The following KCNH5 variants were observed in gnomAD, a reference collection of about 807,000 sequenced individuals.
KCNH5 encodes the protein potassium voltage-gated channel subfamily H member 5, also known as voltage-gated delayed rectifier potassium channel KCNH5.
KCNH5 carries 46 observed loss-of-function variants against 96.1 expected under a neutral mutation model. The ratio of observed to expected loss-of-function variants is 0.48; its 90% confidence interval spans 0.38 to 0.61. KCNH5 has a LOEUF of 0.61. KCNH5 is among the 20% of genes least tolerant of loss of function. KCNH5 has a pLI of 0.00. For synonymous variants in KCNH5, 439 were observed against 449.8 expected, an observed-to-expected ratio of 0.98 and a Z score of 0.30; for missense variants, 907 against 1,225.8, an observed-to-expected ratio of 0.74 and a Z score of 3.88.
At chr14:63,012,127 T>A (rs1261066363) in intron 2 of KCNH5, among the ~76,000 whole-genome samples, 1 of 152,214 alleles carries the variant, frequency 6.6e-6, no homozygotes, top group Non-Finnish European at 1.5e-5. Context: ...TATGACAGTA[T>A]ATCCCAAATG....
chr14:62,905,480 AT>A (rs1348918593), intron 7 of KCNH5, among the ~76,000 whole-genome samples: 6 of 152,118 alleles, frequency 3.9e-5, no homozygotes, highest in African/African-American at 1.4e-4. Flanking sequence ...TCTCCTTTCT[AT>A]CATTCTCCTT....
At chr14:62,845,430 T>C (rs898418703) in intron 8 of KCNH5, among the ~76,000 whole-genome samples, 5 of 152,140 alleles carry the variant, frequency 3.3e-5, no homozygotes. Flanking sequence ...TAATTGATGA[T>C]TGATATAAAC....
intron 9 of KCNH5, among the ~76,000 whole-genome samples, chr14:62,782,802 C>T (rs970010237): frequency 6.6e-6 from 1 of 151,838 alleles, no homozygotes; most frequent in Non-Finnish European, 1.5e-5. Flanking sequence ...CAGAGTGAGA[C>T]TCCATCTCAA....
chr14:63,020,243 T>C (rs1891399883), intron 1 of KCNH5, among the ~76,000 whole-genome samples: 1 of 152,152 alleles, frequency 6.6e-6, no homozygotes, highest in Non-Finnish European at 1.5e-5. Context: ...ATGATCACTT[T>C]GGAAAACAGC....
intron 6 of KCNH5, among the ~76,000 whole-genome samples, chr14:62,960,127 C>T (rs1890178951): frequency 6.6e-6 from 1 of 152,140 alleles, no homozygotes; most frequent in Non-Finnish European, 1.5e-5. Context: ...AGGGATTATG[C>T]ACTTGCTGTT....
chr14:62,858,246 C>G (rs1306529204), intron 7 of KCNH5, among the ~76,000 whole-genome samples: 1 of 152,168 alleles, frequency 6.6e-6, no homozygotes, highest in African/African-American at 2.4e-5. Flanking sequence ...GTCCTTTTGC[C>G]TTCAGCAAGC....
Position 62,802,493 on chromosome 14 carries a change from A to C in KCNH5, c.1658T>G (p.Leu553Trp). ...GGCGCGCAGACACCCATCGCTGGCC[A>C]ATCGAAAAGCAGGATGTTCATTAAA... is the stretch of plus-strand genomic sequence containing the variant. ...KVFNEHPAFR[L>W]ASDGCLRALA... is the part of the protein sequence containing the mutation. The change falls in exon 9 of 11, where the codon TTG becomes TGG. Residue 553 changes from leucine to tryptophan, a missense_variant. Around this residue, in one of 6 missense-constraint regions of KCNH5, gnomAD observed 95 missense variants for 111.8 expected, o/e 0.85. Coordinates refer to ENST00000322893, the MANE Select transcript of KCNH5 (RefSeq NM_139318.5). The C allele has an allele frequency of 6.2e-7, 1 of 1,614,156 alleles. No homozygotes were observed. The highest frequency in any genetic ancestry group is 8.5e-7 in the Non-Finnish European group (1 of 1,180,000).
At chr14:62,945,817 G>A (rs1347830405) in intron 7 of KCNH5, among the ~76,000 whole-genome samples, 1 of 152,106 alleles carries the variant, frequency 6.6e-6, no homozygotes, top group African/African-American at 2.4e-5. Context: ...ACAGGCCTAA[G>A]ACTGATGTTT....
At chr14:62,783,809 C>T (rs1886266551) in intron 9 of KCNH5, among the ~76,000 whole-genome samples, 1 of 151,456 alleles carries the variant, frequency 6.6e-6, no homozygotes, top group African/African-American at 2.4e-5. Context: ...AAATTCCTAA[C>T]TTATAATGTT....
At chr14:62,751,678 C>T (rs1351459023) in intron 10 of KCNH5, among the ~76,000 whole-genome samples, 1 of 152,238 alleles carries the variant, frequency 6.6e-6, no homozygotes, top group Non-Finnish European at 1.5e-5. Flanking sequence ...GGCCAAGAGC[C>T]AGGAGGGCAG....
chr14:63,005,072 A>T (rs905843646), intron 3 of KCNH5, among the ~76,000 whole-genome samples: 4 of 152,206 alleles, frequency 2.6e-5, no homozygotes, highest in South Asian at 2.1e-4. Context: ...TTGGCAAAAA[A>T]AGACCCAGAA....
intron 10 of KCNH5, among the ~76,000 whole-genome samples, chr14:62,718,930 T>C (rs970488395): frequency 2.6e-5 from 4 of 152,198 alleles, no homozygotes; most frequent in African/African-American, 7.2e-5. Context: ...GAAAACATCA[T>C]GCTAAGTGAG....
rs1172036612 is a variant in KCNH5, at chr14:62,699,523, G to T, written c.*7985C>A. On this transcript the variant is annotated 3_prime_UTR_variant, in exon 11 of 11. Transcript: ENST00000322893. Reference sequence around the variant, plus strand: ...AAAAATATCCACATTTAAATAAAGTGTGAAAAAAAGCAAAGTTAGTCCTCC... The same window carrying T: ...AAAAATATCCACATTTAAATAAAGTTTGAAAAAAAGCAAAGTTAGTCCTCC... The T allele has an allele frequency of 1.3e-5, 2 of 152,076 alleles. No homozygotes were observed. Among genetic ancestry groups the T allele is most frequent in the African/African-American group, 4.8e-5 (2 of 41,416 alleles). The allele number at this position is 152,076 out of a possible 1,614,324, so 9.4% of individuals were successfully genotyped here. A position where few individuals can be genotyped will look rare whatever the true frequency, so the allele number is the denominator to read the frequency against.
At chr14:62,908,780 G>GTTTTTTTTTTTTTTTTTT (rs1451340124) in intron 7 of KCNH5, among the ~76,000 whole-genome samples, 1 of 19,800 alleles carries the variant, frequency 5.1e-5, no homozygotes, top group Non-Finnish European at 9.5e-5. Flanking sequence ...ATTTTGCTTT[G>GTTTTTTTTTTTTTTTTTT]TATTTTTTTT....
At chr14:62,767,761 T>C (rs571228948) in intron 10 of KCNH5, among the ~76,000 whole-genome samples, 8 of 152,288 alleles carry the variant, frequency 5.3e-5, no homozygotes, top group Middle Eastern at 6.8e-3. Context: ...AAAGCCCCAT[T>C]GCATGCAATT....
chr14:62,749,931 C>T (rs1476404814), intron 10 of KCNH5, among the ~76,000 whole-genome samples: 2 of 152,164 alleles, frequency 1.3e-5, no homozygotes, highest in Non-Finnish European at 2.9e-5. Context: ...GTTCTGTAAG[C>T]GCTTAGGCAG....
intron 7 of KCNH5, among the ~76,000 whole-genome samples, chr14:62,898,570 A>G (rs1034643891): frequency 2.0e-5 from 3 of 152,308 alleles, no homozygotes; most frequent in South Asian, 2.1e-4. Flanking sequence ...AAAAATTGTC[A>G]AAGTGATTTT....
intron 8 of KCNH5, among the ~76,000 whole-genome samples, chr14:62,834,952 T>G (rs191560842): frequency 9.5e-4 from 144 of 152,118 alleles, no homozygotes; most frequent in Non-Finnish European, 1.7e-3. Context: ...TCCGGCCCTT[T>G]AGAGAAAAAA....
intron 7 of KCNH5, among the ~76,000 whole-genome samples, chr14:62,936,560 A>G (rs1193557477): frequency 1.3e-5 from 2 of 151,758 alleles, no homozygotes; most frequent in Non-Finnish European, 2.9e-5. Context: ...CTGTAGTCCC[A>G]GCTACTTGGG....
Sources: allele counts gnomAD v4.1 joint callset (sites outside exome capture counted in the v4.1 genomes callset), GRCh38; gene constraint gnomAD v4.1.1; regional missense constraint gnomAD v4.1.1; transcripts MANE v1.5; gene names NCBI Gene and HGNC (gene_info 2026-07-23, HGNC 2026-07-21).